The following CYFIP1 variants were observed in gnomAD, a reference collection of about 807,000 sequenced individuals.
CYFIP1 encodes the protein cytoplasmic FMR1-interacting protein 1.
In CYFIP1, 58 loss-of-function variants were observed where a neutral mutation model predicts 163.5. The ratio of observed to expected loss-of-function variants is 0.35; its 90% CI spans 0.29 to 0.44. The LOEUF (loss-of-function observed/expected upper bound fraction) is 0.44. Among genes scored for constraint, CYFIP1 ranks in the 20% least tolerant of loss-of-function variants. CYFIP1 has a pLI of 1.00. For synonymous variants in CYFIP1, 663 were observed against 660.7 expected, an observed-to-expected ratio of 1.00 and a Z score of -0.05; for missense variants, 1,338 against 1,653.8, an observed-to-expected ratio of 0.81 and a Z score of 3.31.
At chr15:22,964,508 G>T (rs914399879) in intron 1 of CYFIP1, among the ~76,000 whole-genome samples, 3 of 152,178 alleles carry the variant, frequency 2.0e-5, no homozygotes, top group South Asian at 4.2e-4. Context: ...CCTCGGCCAC[G>T]GTGCCCCAGG....
intron 23 of CYFIP1, among the ~76,000 whole-genome samples, chr15:22,884,421 AGTGGGG>A (rs1409360847): frequency 1.3e-5 from 2 of 152,238 alleles, no homozygotes; most frequent in Non-Finnish European, 2.9e-5. Context: ...CCCAAAGTCC[AGTGGGG>A]CAGTCATTAA....
At chr15:22,888,617 A>C (rs2059986707) in intron 23 of CYFIP1, among the ~76,000 whole-genome samples, 1 of 152,106 alleles carries the variant, frequency 6.6e-6, no homozygotes, top group African/African-American at 2.4e-5. Context: ...CTGTAGTCCC[A>C]GCCACTTGGG....
chr15:22,951,594 T>C (rs893194717), intron 1 of CYFIP1: 47 of 1,273,516 alleles, frequency 3.7e-5, no homozygotes, highest in Non-Finnish European at 4.4e-5. Context: ...ACCCAGATAG[T>C]GCCAGGAGAG....
chr15:22,965,036 T>TTGTGTGTGTGTGTGTGTG (rs56857768), intron 1 of CYFIP1, among the ~76,000 whole-genome samples: 1 of 149,412 alleles, frequency 6.7e-6, no homozygotes, highest in Admixed American at 6.7e-5. Flanking sequence ...TAGTATTCCA[T>TTGTGTGTGTGTGTGTGTG]TGTGTGTGTG....
chr15:22,916,600 G>A lies in CYFIP1; in HGVS notation c.1705C>T (p.Leu569Phe). 1 of 1,614,050 alleles carries A rather than the reference G, an allele frequency of 6.2e-7. No homozygotes were observed. The highest frequency in any genetic ancestry group is 8.5e-7 in the Non-Finnish European group (1 of 1,179,990). The stretch of plus-strand genomic sequence containing the variant: ...TTGGAACCACTTTTGTCTGCAATGA[G>A]GGACTCTAGCATGGTTCTCACCATG... ...LYMVRTMLES[L>F]IADKSGSKKT... is the part of the protein sequence containing the mutation. The change falls in exon 16 of 31, where the codon CTC (leucine) becomes TTC (phenylalanine). Residue 569 changes from leucine (L) to phenylalanine (F), a missense_variant. Physicochemically the swap from Leu to Phe is conservative, Grantham distance 22 (BLOSUM62 0). This residue lies in a region of CYFIP1 where 824 missense variants were observed against 995.7 expected (regional missense o/e 0.83). Transcript: ENST00000617928.
At chr15:22,909,441 G>T in intron 20 of CYFIP1, 128 bp from the exon 21 acceptor site, 1 of 1,135,024 alleles carries the variant, frequency 8.8e-7, no homozygotes, top group Non-Finnish European at 1.3e-6. Flanking sequence ...CCACGTTCAA[G>T]ACCCATCTCC....
At position 22,944,238 on chromosome 15, in the gene CYFIP1, C is replaced by CAA. The variant is rs34662161; in HGVS notation, c.387+318_387+319dup. ...AGGGCGACAAAGCAAGACTCTGTCT[C>CAA]AAAAAAAAAAAAAAAAAAAAAAAGT... On this transcript the variant is annotated intron_variant, in intron 5 of 30. Coordinates refer to ENST00000617928, the MANE Select transcript of CYFIP1 (RefSeq NM_014608.6). Among the ~76,000 whole-genome samples, 918 of 94,590 alleles carry CAA rather than the reference C, an allele frequency of 9.7e-3. 18 individuals are homozygous for CAA. The highest frequency in any genetic ancestry group is 0.029 in the African/African-American group (695 of 23,658). 62.1% of individuals were successfully genotyped at this position (94,590 alleles called of 152,430 possible).
At chr15:22,957,829 A>G (rs1029164470) in intron 1 of CYFIP1, among the ~76,000 whole-genome samples, 16 of 152,214 alleles carry the variant, frequency 1.1e-4, no homozygotes, top group Non-Finnish European at 2.2e-4. Flanking sequence ...CAAGCTGTTC[A>G]TGTAAAATAG....
chr15:22,977,290 T>C (rs1356933309), intron 1 of CYFIP1, among the ~76,000 whole-genome samples: 1 of 152,214 alleles, frequency 6.6e-6, no homozygotes, highest in African/African-American at 2.4e-5. Flanking sequence ...CTAGTAGCTT[T>C]TTCATAGATT....
intron 1 of CYFIP1, among the ~76,000 whole-genome samples, chr15:22,979,530 G>A (rs1444330065): frequency 6.6e-6 from 1 of 152,172 alleles, no homozygotes; most frequent in Non-Finnish European, 1.5e-5. Context: ...CTCCCTGACT[G>A]GACTTAATAG....
At chr15:22,893,078 A>C (rs891068018) in intron 22 of CYFIP1, 101 bp from the exon 23 acceptor site, 3 of 798,874 alleles carry the variant, frequency 3.8e-6, no homozygotes, top group African/African-American at 3.5e-5. Flanking sequence ...TCTTCCTCCC[A>C]GTCAACTGAT....
chr15:22,916,287 T>C (rs1223740088), intron 16 of CYFIP1, among the ~76,000 whole-genome samples, 190 bp downstream of exon 16: 1 of 152,156 alleles, frequency 6.6e-6, no homozygotes, highest in Admixed American at 6.5e-5. Flanking sequence ...TATACCCTTG[T>C]AGGGACCACG....
In CYFIP1 at chr15:22,892,970, G is replaced by A. The variant is rs1249784734; in HGVS notation, c.2596C>T (p.Arg866Trp). 3.1e-6 allele frequency: 5 copies of A among 1,610,682 alleles called. No homozygotes were observed. The highest frequency in any genetic ancestry group is 3.3e-4 in the Middle Eastern group (2 of 6,056). Reference sequence around the variant, plus strand: ...TCCTGAGAAAATGGTAACACTGTCCGAACAAACCTAAACAAGAAAGATTTA... The same window carrying A: ...TCCTGAGAAAATGGTAACACTGTCCAAACAAACCTAAACAAGAAAGATTTA... ...CYNGSTNRFVRTVLPFSQEFQ... is the reference protein window; with the variant it reads ...CYNGSTNRFVWTVLPFSQEFQ... Residue 866 changes from arginine to tryptophan, a missense_variant, in exon 23 of 31, where the codon CGG becomes TGG. Coordinates refer to ENST00000617928, the MANE Select transcript of CYFIP1 (RefSeq NM_014608.6).
intron 1 of CYFIP1, among the ~76,000 whole-genome samples, chr15:22,963,277 G>A (rs529227157): frequency 1.4e-4 from 21 of 152,202 alleles, no homozygotes; most frequent in Non-Finnish European, 2.4e-4. Context: ...AGGCAGAGGC[G>A]GGCGATCACC....
chr15:22,905,178 A>AT (rs1391929058), intron 21 of CYFIP1: 4 of 151,996 alleles, frequency 2.6e-5, no homozygotes, highest in Non-Finnish European at 5.9e-5. Context: ...TATTATTATT[A>AT]TTTTTTCTAA....
At chr15:22,895,590 G>A (rs1370553952) in intron 22 of CYFIP1, among the ~76,000 whole-genome samples, 3 of 152,196 alleles carry the variant, frequency 2.0e-5, no homozygotes, top group African/African-American at 7.2e-5. Flanking sequence ...CTGAGTGACA[G>A]GAATGACTGG....
intron 3 of CYFIP1, among the ~76,000 whole-genome samples, chr15:22,945,750 ATTT>A (rs529858683): frequency 4.2e-5 from 6 of 142,640 alleles, no homozygotes; most frequent in Non-Finnish European, 9.1e-5. Context: ...TAATTTTTGT[ATTT>A]TTTTTTTTTT....
intron 13 of CYFIP1, among the ~76,000 whole-genome samples, chr15:22,920,915 T>G (rs1419277574): frequency 6.6e-6 from 1 of 152,160 alleles, no homozygotes; most frequent in East Asian, 1.9e-4. Context: ...TCCTACATAT[T>G]CACACTTACA....
chr15:22,963,824 C>T (rs1679053013), intron 1 of CYFIP1, among the ~76,000 whole-genome samples: 1 of 152,082 alleles, frequency 6.6e-6, no homozygotes, highest in African/African-American at 2.4e-5. Context: ...GCTTTTAACC[C>T]CCAGTTGTGA....
Sources: gnomAD v4.1 joint callset for allele counts (sites outside exome capture counted in the v4.1 genomes callset) on GRCh38, gnomAD v4.1.1 for gene constraint, gnomAD v4.1.1 regional missense constraint, MANE v1.5 for transcripts, NCBI Gene and HGNC (gene_info 2026-07-23, HGNC 2026-07-21) for gene names.